The following ABCA13 variants were observed in gnomAD, a reference collection of about 807,000 sequenced individuals.
ABCA13 encodes the protein ATP binding cassette subfamily A member 13.
In ABCA13, 476 loss-of-function variants were observed where a neutral mutation model predicts 478.7. That is an observed-to-expected ratio of 0.99 (90% CI 0.92 to 1.07). The LOEUF is 1.07. Among genes scored for constraint, ABCA13 ranks in the 50% least tolerant of loss-of-function variants. ABCA13 has a pLI of 0.00. For synonymous variants in ABCA13, 2,252 were observed against 2,158.9 expected, an observed-to-expected ratio of 1.04 and a Z score of -1.20; for missense variants, 6,060 against 5,910.6, an observed-to-expected ratio of 1.03 and a Z score of -0.83.
chr7:48,361,634 G>A (rs531504423), intron 31 of ABCA13, among the ~76,000 whole-genome samples: 1 of 150,372 alleles, frequency 6.7e-6, no homozygotes, highest in Non-Finnish European at 1.5e-5. Context: ...TTAAATATTT[G>A]TAGTTAAATA....
chr7:48,395,655 A>G (rs1227295829), intron 38 of ABCA13, among the ~76,000 whole-genome samples: 1 of 152,212 alleles, frequency 6.6e-6, no homozygotes, highest in Non-Finnish European at 1.5e-5. Flanking sequence ...TGACAAGGAT[A>G]AAGACCTTTA....
At chr7:48,380,494 G>T (rs1481286201) in intron 35 of ABCA13, among the ~76,000 whole-genome samples, 1 of 152,158 alleles carries the variant, frequency 6.6e-6, no homozygotes, top group Non-Finnish European at 1.5e-5. Context: ...GAAAAATTTA[G>T]TGTATACTGA....
At chr7:48,562,224 G>C (rs974351592) in intron 55 of ABCA13, among the ~76,000 whole-genome samples, 1 of 151,674 alleles carries the variant, frequency 6.6e-6, no homozygotes, top group African/African-American at 2.4e-5. Context: ...TTGTTTTAGT[G>C]CCACTCTTCA....
intron 58 of ABCA13, 110 bp from the exon 59 acceptor site, chr7:48,615,175 T>G (rs1438238476): frequency 1.1e-5 from 6 of 568,656 alleles, no homozygotes; most frequent in African/African-American, 5.9e-5. Context: ...GTAAAAAAAT[T>G]AAGTAATTTG....
At chr7:48,196,998 A>G (rs1798020028) in intron 2 of ABCA13, among the ~76,000 whole-genome samples, 1 of 152,230 alleles carries the variant, frequency 6.6e-6, no homozygotes. Context: ...ATAATCTTCC[A>G]AAGTTAAGAT....
rs938118550 is a variant in ABCA13 at position 48,272,529 on chromosome 7, G to A, written c.2863G>A (p.Asp955Asn). Reference protein sequence around the residue: ...LTHIHLNVFQDKDSALLLQIY... With the variant: ...LTHIHLNVFQNKDSALLLQIY... ...TCACATACACCTAAATGTCTTCCAGGACAAGGATTCAGCTTTACTTCTGCA... is the reference window on the plus strand; with the variant it reads ...TCACATACACCTAAATGTCTTCCAGAACAAGGATTCAGCTTTACTTCTGCA... The change falls in exon 17 of 62, where the codon GAC (aspartate) becomes AAC (asparagine). Residue 955 changes from aspartate (D) to asparagine (N), a missense_variant. Transcript: ENST00000435803. The A allele has an allele frequency of 1.2e-6, 2 of 1,613,576 alleles. No individual in the cohort carries two copies. Among genetic ancestry groups the A allele is most frequent in the South Asian group, 1.1e-5 (1 of 91,068 alleles).
chr7:48,389,337 C>A, intron 37 of ABCA13, 117 bp downstream of exon 37: 1 of 1,210,184 alleles, frequency 8.3e-7, no homozygotes, highest in Non-Finnish European at 1.1e-6. Context: ...AGTCTCAATA[C>A]AGAGTTTAGA....
intron 37 of ABCA13, 28 bp downstream of exon 37, chr7:48,389,248 A>C: frequency 6.3e-7 from 1 of 1,581,486 alleles, no homozygotes; most frequent in Non-Finnish European, 8.6e-7. Flanking sequence ...CTTATCAAAC[A>C]CTGGGCATTT....
chr7:48,448,055 A>G (rs1006331613), intron 42 of ABCA13, among the ~76,000 whole-genome samples: 5 of 152,196 alleles, frequency 3.3e-5, no homozygotes, highest in Admixed American at 6.5e-5. Flanking sequence ...CTTTTCCAAG[A>G]GGAGCTGTCT....
intron 2 of ABCA13, 79 bp downstream of exon 2, chr7:48,193,131 T>C (rs867958801): frequency 1.9e-6 from 2 of 1,034,424 alleles, no homozygotes; most frequent in South Asian, 1.5e-5. Flanking sequence ...TTGTTTTTTA[T>C]AAACTCTGAA....
chr7:48,573,043 TA>T (rs1787827887), intron 55 of ABCA13, among the ~76,000 whole-genome samples: 1 of 152,072 alleles, frequency 6.6e-6, no homozygotes, highest in South Asian at 2.1e-4. Context: ...TTATTTTTAA[TA>T]TCTATCTTAA....
At chr7:48,254,636 T>C (rs1793115376) in intron 15 of ABCA13, among the ~76,000 whole-genome samples, 1 of 152,176 alleles carries the variant, frequency 6.6e-6, no homozygotes, top group Non-Finnish European at 1.5e-5. Flanking sequence ...GCTTTAGTTT[T>C]GTTTCTGGCA....
intron 59 of ABCA13, among the ~76,000 whole-genome samples, chr7:48,617,855 A>G (rs1467375433): frequency 1.3e-5 from 2 of 152,174 alleles, no homozygotes; most frequent in Non-Finnish European, 2.9e-5. Context: ...GGGAAAGTGG[A>G]AAAGGAATGT....
intron 29 of ABCA13, among the ~76,000 whole-genome samples, chr7:48,339,843 G>C (rs1806854442): frequency 1.3e-5 from 2 of 152,182 alleles, no homozygotes; most frequent in African/African-American, 4.8e-5. Flanking sequence ...CAGGCACAGA[G>C]TGGGGTCAGG....
chr7:48,594,932 A>G (rs1790131403), intron 58 of ABCA13, 119 bp downstream of exon 58: 3 of 797,438 alleles, frequency 3.8e-6, no homozygotes, highest in Non-Finnish European at 4.1e-6. Flanking sequence ...TTACAACACA[A>G]TAATGGTGAT....
intron 35 of ABCA13, among the ~76,000 whole-genome samples, chr7:48,387,419 G>T (rs1395441637): frequency 1.3e-5 from 2 of 152,114 alleles, no homozygotes; most frequent in African/African-American, 4.8e-5. Context: ...CTTACCTCAT[G>T]CTCTTCCTCT....
In ABCA13 at chr7:48,219,470, T is replaced by G. The variant is rs1787017092; in HGVS notation, c.404T>G (p.Leu135Ter). The G allele has an allele frequency of 1.2e-6, 2 of 1,612,902 alleles. No homozygotes were observed. Among genetic ancestry groups the G allele is most frequent in the Non-Finnish European group, 8.5e-7 (1 of 1,179,570 alleles). ...IHGMMDKAKN[L>*]KRLWVERSNT... is the part of the protein sequence containing the mutation. ...GGAATGATGGACAAGGCAAAAAACT[T>G]AAAAAGACTTTGGGTAGAACGATCC... is the stretch of plus-strand genomic sequence containing the variant. The change falls in exon 4 of 62, where the codon TTA becomes TGA. Residue 135 changes from leucine (L) to a stop codon, truncating the protein, a stop_gained. Coordinates refer to ENST00000435803, the MANE Select transcript of ABCA13 (RefSeq NM_152701.5). LOFTEE classifies it high-confidence loss of function.
In ABCA13 at chr7:48,455,137, C is replaced by G. The variant is rs766527119; in HGVS notation, c.12666C>G (p.Ala4222=). The change falls in exon 43 of 62, where the codon GCC becomes GCG. Residue 4222 remains alanine, a synonymous_variant. Transcript: ENST00000435803. ...GGAGGCTCCGCCGCACGCTGCGCGC[C>G]GGGAAGAGCACCCTCGCCGACCTGC... The part of the protein sequence containing the change: ...LARRLRRTLR[A]GKSTLADLLL... 1.8e-5 allele frequency: 28 copies of G among 1,571,988 alleles called. 1 individual carries two copies. The South Asian group carries it at 3.0e-4, about 17-fold the overall frequency.
intron 52 of ABCA13, among the ~76,000 whole-genome samples, chr7:48,517,420 T>A (rs956218725): frequency 3.3e-5 from 5 of 152,204 alleles, no homozygotes; most frequent in Non-Finnish European, 7.3e-5. Flanking sequence ...AGCCAAGGGC[T>A]TTCCTGAGCC....
Sources: allele counts gnomAD v4.1 joint callset (sites outside exome capture counted in the v4.1 genomes callset), GRCh38; gene constraint gnomAD v4.1.1; transcripts MANE v1.5; gene names NCBI Gene and HGNC (gene_info 2026-07-23, HGNC 2026-07-21).